PRIM2: variants seen among roughly 807,000 people sequenced by gnomAD.
The protein encoded by PRIM2 is DNA primase large subunit.
In PRIM2, 39 loss-of-function variants were observed where a neutral mutation model predicts 67.3. That is an observed-to-expected ratio of 0.58 (90% CI 0.45 to 0.76). The LOEUF is 0.76. Ranked by LOEUF, PRIM2 falls within the 30% of genes least tolerant of loss-of-function variation. PRIM2 has a pLI of 0.00. For missense variants in PRIM2, 398 were observed against 598.7 expected (o/e 0.66, Z 3.50); for synonymous variants, 143 against 198.7 (o/e 0.72, Z 2.36).
At chr6:57,311,821 G>T (rs1190523156), upstream of PRIM2, among the ~76,000 whole-genome samples, 2 of 152,168 alleles carry the variant, frequency 1.3e-5, no homozygotes, top group African/African-American at 4.8e-5. Context: ...GAGGCCAGGA[G>T]CTGGAGACCA....
At chr6:57,403,145 G>A (rs1380936215) in intron 7 of PRIM2, among the ~76,000 whole-genome samples, 22 of 151,790 alleles carry the variant, frequency 1.4e-4, no homozygotes, top group Non-Finnish European at 2.6e-4. Context: ...GATAGAACTG[G>A]TTTCATTCAT....
chr6:57,444,334 C>T (rs138391603), intron 7 of PRIM2, among the ~76,000 whole-genome samples: 6,703 of 151,980 alleles, frequency 0.044, 501 homozygotes, highest in African/African-American at 0.15. Context: ...TTTGGAAGGC[C>T]GAGGCGGGCG....
chr6:57,341,050 A>G (rs1294557338), intron 5 of PRIM2, among the ~76,000 whole-genome samples: 1 of 152,300 alleles, frequency 6.6e-6, no homozygotes, highest in East Asian at 1.9e-4. Context: ...ATTATAATGA[A>G]CCTGTGCATT....
the PRIM2 span, among the ~76,000 whole-genome samples, chr6:57,246,175 TAGAAAC>T: frequency 6.6e-6 from 1 of 152,232 alleles, no homozygotes; most frequent in African/African-American, 2.4e-5. Flanking sequence ...AAATGTGTTA[TAGAAAC>T]CTGTGTTACT....
chr6:57,609,908 A>G (rs1776633086), intron 12 of PRIM2, among the ~76,000 whole-genome samples: 1 of 152,224 alleles, frequency 6.6e-6, no homozygotes, highest in African/African-American at 2.4e-5. Context: ...AGGTTGGCCT[A>G]AGTGCAGATT....
intron 7 of PRIM2, among the ~76,000 whole-genome samples, chr6:57,496,724 A>G (rs1171200151): frequency 1.3e-5 from 2 of 152,214 alleles, no homozygotes; most frequent in South Asian, 2.1e-4. Flanking sequence ...AAATACAATA[A>G]TAATAAGGAA....
At chr6:57,366,664 C>T (rs560525988) in intron 5 of PRIM2, among the ~76,000 whole-genome samples, 5 of 152,158 alleles carry the variant, frequency 3.3e-5, no homozygotes, top group East Asian at 3.9e-4. Flanking sequence ...GGATTTGGAC[C>T]GTGCCTGTTC....
chr6:57,479,751 A>C (rs1172826320), intron 7 of PRIM2, among the ~76,000 whole-genome samples: 10,591 of 152,172 alleles, frequency 0.07, 528 homozygotes, highest in East Asian at 0.2. Flanking sequence ...AAGAGTGTGT[A>C]TGTGTTGTGG....
rs1292094734 is a variant in PRIM2 at position 57,456,700 on chromosome 6, T to C, written c.694-50687T>C. Among the ~76,000 whole-genome samples, 7 of 152,146 alleles carry C rather than the reference T, an allele frequency of 4.6e-5. No individual in the cohort carries two copies. In the South Asian group the frequency reaches 8.3e-4, roughly 18 times the overall value. ...TTAGCCATTCGTCTAGTTTTTTTTT[T>C]CAAGGTTTTTAACTTCTTTGCCATG... On this transcript the variant is annotated intron_variant, in intron 7 of 13. Transcript: ENST00000615550.
At position 57,584,700 on chromosome 6, in the gene PRIM2, G is replaced by T. The variant is rs1223725152; in HGVS notation, c.1021-16393G>T. On this transcript the variant is annotated intron_variant, in intron 10 of 13. Transcript: ENST00000615550. ...TTTTACAATTTTTAACACCTTTTCAGGGGAACTCCCAGGAGTCTTCAGAGA... is the reference window on the plus strand; with the variant it reads ...TTTTACAATTTTTAACACCTTTTCATGGGAACTCCCAGGAGTCTTCAGAGA... Among the ~76,000 whole-genome samples, 35 of 152,202 alleles carry T rather than the reference G, an allele frequency of 2.3e-4. No homozygotes were observed. In the South Asian group the frequency reaches 6.8e-3, roughly 30 times the overall value.
At chr6:57,534,311 C>T (rs1177943420) in intron 9 of PRIM2, among the ~76,000 whole-genome samples, 2 of 151,682 alleles carry the variant, frequency 1.3e-5, no homozygotes, top group African/African-American at 2.4e-5. Flanking sequence ...TCGACCCCCT[C>T]CCCCCACACC....
chr6:57,328,312 A>G (rs375685363), intron 5 of PRIM2, among the ~76,000 whole-genome samples: 26 of 152,176 alleles, frequency 1.7e-4, no homozygotes, highest in African/African-American at 6.0e-4. Context: ...GAACATTTTC[A>G]CCTAAAAATG....
At chr6:57,407,772 G>T (rs566807526) in intron 7 of PRIM2, among the ~76,000 whole-genome samples, 1 of 152,306 alleles carries the variant, frequency 6.6e-6, no homozygotes, top group Admixed American at 6.5e-5. Context: ...ATTAGTTAAA[G>T]AATTGGCTTG....
At chr6:57,269,281 C>A in the PRIM2 span, among the ~76,000 whole-genome samples, 1 of 151,998 alleles carries the variant, frequency 6.6e-6, no homozygotes, top group Admixed American at 6.6e-5. Context: ...TTCTCCACAT[C>A]CTCTCCAGCA....
intron 10 of PRIM2, among the ~76,000 whole-genome samples, chr6:57,542,908 A>T (rs2127472186): frequency 6.7e-6 from 1 of 148,878 alleles, no homozygotes; most frequent in Non-Finnish European, 1.5e-5. Flanking sequence ...AAGAGGTATA[A>T]AAATTGTTGG....
the PRIM2 span, among the ~76,000 whole-genome samples, chr6:57,294,406 A>G: frequency 6.6e-6 from 1 of 152,086 alleles, no homozygotes; most frequent in African/African-American, 2.4e-5. Context: ...GCTTGAACCC[A>G]GGAGGTGGAG....
At chr6:57,260,048 T>G in the PRIM2 span, among the ~76,000 whole-genome samples, 1 of 152,220 alleles carries the variant, frequency 6.6e-6, no homozygotes, top group Non-Finnish European at 1.5e-5. Flanking sequence ...TCCCTTAAAA[T>G]GGCTGTTTCC....
intron 5 of PRIM2, among the ~76,000 whole-genome samples, chr6:57,376,459 T>G (rs1245531201): frequency 6.6e-6 from 1 of 152,252 alleles, no homozygotes; most frequent in East Asian, 1.9e-4. Flanking sequence ...GTAAAGTGCC[T>G]GTTAATGTCT....
chr6:57,297,076 G>C, the PRIM2 span, among the ~76,000 whole-genome samples: 1 of 152,108 alleles, frequency 6.6e-6, no homozygotes, highest in East Asian at 1.9e-4. Flanking sequence ...ATAAATAAGT[G>C]GTGGAAGAGG....
Sources: allele counts gnomAD v4.1 joint callset (sites outside exome capture counted in the v4.1 genomes callset), GRCh38; gene constraint gnomAD v4.1.1; transcripts MANE v1.5; gene names NCBI Gene and HGNC (gene_info 2026-07-23, HGNC 2026-07-21).